The following AFG1L variants were observed in gnomAD, a reference collection of about 807,000 sequenced individuals.
AFG1L encodes AFG1 like ATPase, also known as AFG1-like ATPase.
AFG1L carries 53 observed loss-of-function variants against 62.2 expected under a neutral mutation model. That is an observed-to-expected ratio of 0.85 (90% CI 0.68 to 1.07). The LOEUF is 1.07. Among genes scored for constraint, AFG1L ranks in the 50% least tolerant of loss-of-function variants. AFG1L has a pLI of 0.00. For synonymous variants in AFG1L, 228 were observed against 210.3 expected (o/e 1.08, Z -0.73); for missense variants, 555 against 590.5 (o/e 0.94, Z 0.62).
At chr6:108,389,891 G>A (rs1406128902) in intron 6 of AFG1L, among the ~76,000 whole-genome samples, 1 of 152,016 alleles carries the variant, frequency 6.6e-6, no homozygotes, top group African/African-American at 2.4e-5. Context: ...TCTTTGTGGC[G>A]TTCTCTGTTT....
intron 8 of AFG1L, among the ~76,000 whole-genome samples, chr6:108,462,481 TATTA>T (rs1244714471): frequency 6.6e-6 from 1 of 152,232 alleles, no homozygotes; most frequent in Non-Finnish European, 1.5e-5. Flanking sequence ...TCTAAATCTT[TATTA>T]ATTAATCTTG....
intron 5 of AFG1L, among the ~76,000 whole-genome samples, chr6:108,363,706 GA>G (rs886442696): frequency 7.0e-4 from 94 of 134,950 alleles, no homozygotes; most frequent in East Asian, 2.3e-3. Flanking sequence ...TATGGGTCCA[GA>G]AAAAAAAAAA....
chr6:108,330,217 G>C (rs922106391), intron 2 of AFG1L, among the ~76,000 whole-genome samples: 14 of 130,736 alleles, frequency 1.1e-4, no homozygotes, highest in African/African-American at 3.9e-4. Context: ...GTCTCACTCT[G>C]TTGCCAGGCT....
intron 8 of AFG1L, 136 bp downstream of exon 8, chr6:108,447,432 G>A: frequency 1.8e-6 from 1 of 558,964 alleles, no homozygotes; most frequent in East Asian, 3.1e-5. Context: ...ATGTTCTCAT[G>A]TTAACTTCTT....
intron 6 of AFG1L, among the ~76,000 whole-genome samples, chr6:108,376,541 C>T (rs934965985): frequency 2.6e-5 from 4 of 152,040 alleles, no homozygotes; most frequent in African/African-American, 9.7e-5. Context: ...CATTCAGGAG[C>T]AAGTTGTTTA....
At chr6:108,518,650 T>C (rs942604802) in intron 11 of AFG1L, among the ~76,000 whole-genome samples, 1 of 152,064 alleles carries the variant, frequency 6.6e-6, no homozygotes, top group African/African-American at 2.4e-5. Context: ...TAAAGTATAA[T>C]AATAAAAAAA....
rs1336065463 is a variant in AFG1L at position 108,515,678 on chromosome 6, CA to C, written c.1204-4013del. On this transcript the variant is annotated intron_variant, in intron 11 of 12. Transcript: ENST00000368977. The stretch of plus-strand genomic sequence containing the variant: ...AATAGAACGGAAGAAAATAGAGACA[CA>C]AAAAACCCTTCAAAAAATCAATGAA... Among the ~76,000 whole-genome samples the C allele has an allele frequency of 2.0e-5, 3 of 151,972 alleles. No homozygotes were observed. The South Asian group carries it at 6.2e-4, about 31-fold the overall frequency.
At chr6:108,363,123 A>T (rs1307809065) in intron 5 of AFG1L, among the ~76,000 whole-genome samples, 4 of 152,146 alleles carry the variant, frequency 2.6e-5, no homozygotes, top group African/African-American at 9.7e-5. Context: ...GTGCTCTTGA[A>T]TTTAAGGAAT....
intron 11 of AFG1L, among the ~76,000 whole-genome samples, chr6:108,517,337 G>A (rs1041308026): frequency 2.0e-5 from 3 of 152,168 alleles, no homozygotes; most frequent in African/African-American, 7.2e-5. Flanking sequence ...AGAGCCCTCA[G>A]AAGTAATGCC....
At chr6:108,445,125 A>G (rs886174564) in intron 7 of AFG1L, among the ~76,000 whole-genome samples, 3 of 152,120 alleles carry the variant, frequency 2.0e-5, no homozygotes, top group African/African-American at 7.2e-5. Context: ...TTGCATTTTT[A>G]TGTTATAGAG....
At chr6:108,481,208 C>T (rs1270850487) in intron 10 of AFG1L, among the ~76,000 whole-genome samples, 1 of 152,184 alleles carries the variant, frequency 6.6e-6, no homozygotes, top group East Asian at 1.9e-4. Flanking sequence ...GGTCTTTGTT[C>T]CCTGCCGTTC....
intron 8 of AFG1L, among the ~76,000 whole-genome samples, chr6:108,476,320 A>G (rs764471909): frequency 6.6e-6 from 1 of 152,218 alleles, no homozygotes; most frequent in African/African-American, 2.4e-5. Flanking sequence ...TGTGTGGTCT[A>G]TAATTGTCCT....
At chr6:108,305,740 A>G (rs1392041408) in intron 1 of AFG1L, among the ~76,000 whole-genome samples, 2 of 152,072 alleles carry the variant, frequency 1.3e-5, no homozygotes, top group Non-Finnish European at 2.9e-5. Context: ...GCTATGAATT[A>G]CTTCTTTTGC....
intron 8 of AFG1L, among the ~76,000 whole-genome samples, chr6:108,453,333 CA>C (rs1181399828): frequency 6.6e-6 from 1 of 151,080 alleles, no homozygotes; most frequent in African/African-American, 2.4e-5. Flanking sequence ...GAACAGATTT[CA>C]AAAAAAAAGT....
At chr6:108,434,276 G>C (rs116628263) in intron 7 of AFG1L, among the ~76,000 whole-genome samples, 2 of 152,146 alleles carry the variant, frequency 1.3e-5, no homozygotes, top group Non-Finnish European at 2.9e-5. Context: ...AACTCCTAGA[G>C]TGCCAAGCCT....
chr6:108,419,682 C>G (rs938826329), intron 7 of AFG1L, among the ~76,000 whole-genome samples: 1 of 151,768 alleles, frequency 6.6e-6, no homozygotes, highest in Non-Finnish European at 1.5e-5. Flanking sequence ...GTAATGACAT[C>G]ATATCTTTTA....
intron 1 of AFG1L, among the ~76,000 whole-genome samples, chr6:108,312,108 G>A (rs1326045424): frequency 1.3e-5 from 2 of 152,162 alleles, no homozygotes; most frequent in African/African-American, 2.4e-5. Context: ...CAGAGGATCC[G>A]CCTGCCTTGG....
intron 7 of AFG1L, among the ~76,000 whole-genome samples, chr6:108,441,385 C>T (rs993922607): frequency 2.0e-5 from 3 of 152,100 alleles, no homozygotes; most frequent in African/African-American, 7.2e-5. Context: ...CCCTCCTTTT[C>T]CTCTCCAAAT....
chr6:108,506,420 G>A (rs1774423233), intron 10 of AFG1L, among the ~76,000 whole-genome samples: 1 of 152,178 alleles, frequency 6.6e-6, no homozygotes, highest in African/African-American at 2.4e-5. Flanking sequence ...TGTTGCCCAA[G>A]CTGGTCTCCA....
Sources: gnomAD v4.1 joint callset for allele counts (sites outside exome capture counted in the v4.1 genomes callset) on GRCh38, gnomAD v4.1.1 for gene constraint, MANE v1.5 for transcripts, NCBI Gene and HGNC (gene_info 2026-07-23, HGNC 2026-07-21) for gene names.